XNDC1N: variants seen among roughly 807,000 people sequenced by gnomAD.
The protein encoded by XNDC1N is XRCC1 N-terminal domain containing 1, N-terminal like.
At chr11:71,903,483 A>G in the XNDC1N span, 2 of 778,206 alleles carry the variant, frequency 2.6e-6, no homozygotes, top group Admixed American at 3.8e-5. Flanking sequence ...AGGCTGCCTG[A>G]CTCAGATGTC....
the XNDC1N span, among the ~76,000 whole-genome samples, chr11:71,901,622 A>C: frequency 5.3e-5 from 8 of 151,546 alleles, no homozygotes; most frequent in East Asian, 1.6e-3. Context: ...CAAAAACAAA[A>C]AACAAAAAAA....
At chr11:71,880,887 T>G in the XNDC1N span, among the ~76,000 whole-genome samples, 1 of 152,220 alleles carries the variant, frequency 6.6e-6, no homozygotes. Context: ...CTTGATATAA[T>G]GTTGATTTTT....
chr11:71,913,420 G>T, the XNDC1N span, among the ~76,000 whole-genome samples: 1 of 152,046 alleles, frequency 6.6e-6, no homozygotes, highest in African/African-American at 2.4e-5. Context: ...CAGCACTTTG[G>T]AAGGCCGAGG....
At chr11:71,914,056 G>C in the XNDC1N span, among the ~76,000 whole-genome samples, 16 of 152,338 alleles carry the variant, frequency 1.1e-4, no homozygotes, top group East Asian at 3.1e-3. Context: ...GATGTACAAG[G>C]AGCTTAATGT....
chr11:71,894,303 C>A, the XNDC1N span: 18 of 409,790 alleles, frequency 4.4e-5, no homozygotes, highest in African/African-American at 3.5e-4. Flanking sequence ...CAGTGATGTA[C>A]GCTGTGGTCA....
the XNDC1N span, among the ~76,000 whole-genome samples, chr11:71,924,810 C>G: frequency 9.9e-5 from 15 of 152,170 alleles, no homozygotes; most frequent in African/African-American, 3.4e-4. Flanking sequence ...GCATCCATCA[C>G]CTTACTTCAA....
the XNDC1N span, among the ~76,000 whole-genome samples, chr11:71,901,226 A>T: frequency 6.6e-6 from 1 of 152,148 alleles, no homozygotes; most frequent in Admixed American, 6.5e-5. Context: ...TTTGGCTTCC[A>T]TTCCTATTGA....
the XNDC1N span, among the ~76,000 whole-genome samples, chr11:71,919,938 T>C: frequency 1.5e-5 from 1 of 67,728 alleles, no homozygotes; most frequent in East Asian, 4.0e-4. Context: ...TCTTTTTTTT[T>C]TTTTTTTTTT....
the XNDC1N span, among the ~76,000 whole-genome samples, chr11:71,877,104 A>G: frequency 6.6e-6 from 1 of 152,184 alleles, no homozygotes; most frequent in East Asian, 1.9e-4. Flanking sequence ...CCCATCCCTG[A>G]CTCAAGATTT....
At chr11:71,917,001 A>ATATTATTATTAT in the XNDC1N span, 851 of 176,088 alleles carry the variant, frequency 4.8e-3, 6 homozygotes, top group African/African-American at 0.011. Flanking sequence ...CCACAAAAAC[A>ATATTATTATTAT]TATTATTGTT....
the XNDC1N span, among the ~76,000 whole-genome samples, chr11:71,891,270 G>C: frequency 6.6e-6 from 1 of 151,594 alleles, no homozygotes; most frequent in Non-Finnish European, 1.5e-5. Context: ...ATTAGGAAGA[G>C]GATCACAGGG....
chr11:71,888,226 T>C, the XNDC1N span, among the ~76,000 whole-genome samples: 1 of 152,112 alleles, frequency 6.6e-6, no homozygotes, highest in East Asian at 1.9e-4. Flanking sequence ...TTACTTGGGA[T>C]TGACTATCCG....
chr11:71,890,483 C>T, the XNDC1N span, among the ~76,000 whole-genome samples: 1 of 152,022 alleles, frequency 6.6e-6, no homozygotes, highest in South Asian at 2.1e-4. Context: ...ATTGGGATAT[C>T]ATCCTCCCGC....
At chr11:71,880,222 G>A in the XNDC1N span, among the ~76,000 whole-genome samples, 2 of 152,074 alleles carry the variant, frequency 1.3e-5, no homozygotes, top group African/African-American at 2.4e-5. Context: ...TAAAGTATTG[G>A]TGGATTTTAA....
the XNDC1N span, among the ~76,000 whole-genome samples, chr11:71,875,506 A>T: frequency 6.6e-6 from 1 of 152,300 alleles, no homozygotes; most frequent in East Asian, 1.9e-4. Context: ...GCAAAAGTAT[A>T]TTCAATGGAA....
At chr11:71,866,832 T>C in the XNDC1N span, among the ~76,000 whole-genome samples, 1 of 152,040 alleles carries the variant, frequency 6.6e-6, no homozygotes, top group Non-Finnish European at 1.5e-5. Context: ...CCTTTGCCAG[T>C]TGTACATTTA....
the XNDC1N span, among the ~76,000 whole-genome samples, chr11:71,893,143 C>A: frequency 1.3e-5 from 2 of 152,156 alleles, no homozygotes; most frequent in South Asian, 4.2e-4. Flanking sequence ...AGGACACTGT[C>A]ATTGCATTGT....
At chr11:71,887,047 G>A in the XNDC1N span, among the ~76,000 whole-genome samples, 1 of 152,198 alleles carries the variant, frequency 6.6e-6, no homozygotes, top group Admixed American at 6.5e-5. Flanking sequence ...GGAGGAAGGG[G>A]CCCTGCTCAA....
At chr11:71,908,934 G>A in the XNDC1N span, among the ~76,000 whole-genome samples, 2 of 152,192 alleles carry the variant, frequency 1.3e-5, no homozygotes, top group Non-Finnish European at 2.9e-5. Flanking sequence ...GCGAGACAGA[G>A]AAGCTCTCCT....
Sources: gnomAD v4.1 joint callset for allele counts (sites outside exome capture counted in the v4.1 genomes callset) on GRCh38, gnomAD v4.1.1 for gene constraint, MANE v1.5 for transcripts, NCBI Gene and HGNC (gene_info 2026-07-23, HGNC 2026-07-21) for gene names.